PLEC: variants seen among roughly 807,000 people sequenced by gnomAD.
The protein encoded by PLEC is plectin.
Under a neutral mutation model 392.8 loss-of-function variants are expected in PLEC, and 216 were observed. The ratio of observed to expected loss-of-function variants is 0.55; its 90% confidence interval spans 0.49 to 0.62. The LOEUF (loss-of-function observed/expected upper bound fraction) is 0.62, where lower values mean the gene tolerates loss of function less well. PLEC is among the 20% of genes least tolerant of loss of function. The pLI, the probability that PLEC is intolerant of heterozygous loss-of-function variation, is 0.00. For synonymous variants in PLEC, 3,621 were observed against 2,980.6 expected (o/e 1.21, Z -7.00); for missense variants, 6,863 against 6,563.4 (o/e 1.05, Z -1.58).
In PLEC at chr8:143,922,181, C is replaced by T. The variant is rs1554688726; in HGVS notation, c.7640G>A (p.Arg2547Gln). ...CGCCTCCTCCATGCTGGCCACCAGC[C>T]GCTGCCGTTCCTGCTCCATCTGCTG... is the stretch of plus-strand genomic sequence containing the variant. ...QQQQMEQERQRLVASMEEARR... is the reference protein window; with the variant it reads ...QQQQMEQERQQLVASMEEARR... The change falls in exon 32 of 32, where the codon CGG (arginine) becomes CAG (glutamine). Residue 2547 changes from arginine to glutamine, a missense_variant. Arg to Gln is a conservative substitution (Grantham distance 43). Coordinates refer to ENST00000345136, the MANE Select transcript of PLEC (RefSeq NM_201384.3). 2.0e-5 allele frequency: 31 copies of T among 1,544,604 alleles called. No homozygotes were observed. Among genetic ancestry groups the T allele is most frequent in the East Asian group, 4.8e-5 (2 of 41,420 alleles).
At chr8:143,953,462 C>CGCCGCCGCCGCCGCTGCAGCA (rs1832403651), upstream of PLEC, among the ~76,000 whole-genome samples, 3 of 151,974 alleles carry the variant, frequency 2.0e-5, no homozygotes, top group African/African-American at 7.3e-5. Context: ...CCGCCGCCGC[C>CGCCGCCGCCGCCGCTGCAGCA]GCCGCCGCCG....
upstream of PLEC, among the ~76,000 whole-genome samples, chr8:143,943,521 G>A (rs1408070945): frequency 6.6e-6 from 1 of 152,218 alleles, no homozygotes. Flanking sequence ...TGTGGGGGAC[G>A]CTCCTGCCCT....
intron 31 of PLEC, 38 bp from the exon 32 acceptor site, chr8:143,922,433 C>A: frequency 6.2e-7 from 1 of 1,600,380 alleles, no homozygotes; most frequent in Non-Finnish European, 8.5e-7. Context: ...ACCGCCAGCC[C>A]AGGAGCACCC....
Position 143,920,763 on chromosome 8 carries a change from G to C in PLEC, c.9058C>G (p.Leu3020Val). 2 of 1,606,028 alleles carry C rather than the reference G, an allele frequency of 1.2e-6. No homozygotes were observed. The highest frequency in any genetic ancestry group is 8.5e-7 in the Non-Finnish European group (1 of 1,179,910). ...CCCGCGATGACGTTGGCACCCCGGA[G>C]AGCCCGCCGCACAGTGTCCACCTCG... ...VAEVDTVRRA[L>V]RGANVIAGVW... The change falls in exon 32 of 32, where the codon CTC becomes GTC. Residue 3020 changes from leucine to valine, a missense_variant. Transcript: ENST00000345136.
At chr8:143,943,393 C>T (rs1445231407), upstream of PLEC, among the ~76,000 whole-genome samples, 1 of 152,214 alleles carries the variant, frequency 6.6e-6, no homozygotes, top group Non-Finnish European at 1.5e-5. Flanking sequence ...ACCTGCCTCA[C>T]CTGCGTGTGG....
intron 22 of PLEC, 21 bp downstream of exon 22, chr8:143,929,915 C>T: frequency 6.2e-7 from 1 of 1,607,284 alleles, no homozygotes; most frequent in African/African-American, 1.3e-5. Context: ...CAGAGAGCCC[C>T]CGGCTCGGGG....
intron 5 of PLEC, among the ~76,000 whole-genome samples, chr8:143,936,774 CAG>C (rs1472236322): frequency 1.3e-5 from 2 of 152,202 alleles, no homozygotes; most frequent in African/African-American, 4.8e-5. Context: ...TAGGTGGCCT[CAG>C]AGAGAGGCCT....
chr8:143,931,109 G>A (rs1319176565), intron 19 of PLEC, among the ~76,000 whole-genome samples: 7 of 152,212 alleles, frequency 4.6e-5, no homozygotes, highest in Non-Finnish European at 8.8e-5. Flanking sequence ...TAGTACAAGG[G>A]CTGGCAGTGC....
upstream of PLEC, chr8:143,942,644 C>G (rs369540775): frequency 6.3e-5 from 74 of 1,176,380 alleles, no homozygotes; most frequent in East Asian, 4.7e-4. Context: ...ACCTCCCCCC[C>G]ACAATCCGCC....
rs782438887 is a variant in PLEC at position 143,924,515 on chromosome 8, C to T, written c.5414G>A (p.Arg1805His). The change falls in exon 31 of 32, where the codon CGC becomes CAC. Residue 1805 changes from arginine to histidine, a missense_variant. Arg to His is a conservative substitution (Grantham distance 29, BLOSUM62 0). Coordinates refer to ENST00000345136, the MANE Select transcript of PLEC (RefSeq NM_201384.3). Reference sequence around the variant, plus strand: ...GGCCTCTTCCGCCAGGGCACGCAGGCGGGCGGCCTCCTCGGCCAGCTCGCG... The same window carrying T: ...GGCCTCTTCCGCCAGGGCACGCAGGTGGGCGGCCTCCTCGGCCAGCTCGCG... Reference protein sequence around the residue: ...RFRELAEEAARLRALAEEAKR... With the variant: ...RFRELAEEAAHLRALAEEAKR... 1.2e-4 allele frequency: 184 copies of T among 1,539,512 alleles called. No individual in the cohort carries two copies. The highest frequency in any genetic ancestry group is 3.6e-4 in the Middle Eastern group (2 of 5,576).
At chr8:143,975,125 C>T (rs1182891281), upstream of PLEC, 3 of 1,571,616 alleles carry the variant, frequency 1.9e-6, no homozygotes, top group Non-Finnish European at 2.6e-6. This position sits in a 1 kb window ranked among gnomAD's most constrained non-coding sequence, Gnocchi z 9.9. Flanking sequence ...AGCGGGAACT[C>T]AGTCAACCTC....
chr8:143,941,897 G>A (rs1434630131), upstream of PLEC, among the ~76,000 whole-genome samples: 7 of 152,288 alleles, frequency 4.6e-5, no homozygotes, highest in South Asian at 8.3e-4. Context: ...GGTCCCTCAC[G>A]ACAGGCACTG....
In PLEC at chr8:143,923,832, C is replaced by T; in HGVS notation, c.6097G>A (p.Ala2033Thr). 1 of 1,587,030 alleles carries T rather than the reference C, an allele frequency of 6.3e-7. No homozygotes were observed. Reference protein sequence around the residue: ...RLRERAEQESARQLQLAQEAA... With the variant: ...RLRERAEQESTRQLQLAQEAA... ...TCCTGGGCCAGCTGCAGCTGCCGCG[C>T]CGACTCCTGCTCCGCTCGCTCCCGC... The change falls in exon 31 of 32, where the codon GCG becomes ACG. Residue 2033 changes from alanine (A) to threonine (T), a missense_variant. Physicochemically the swap from Ala to Thr is moderately conservative, Grantham distance 58 (BLOSUM62 0). Coordinates refer to ENST00000345136, the MANE Select transcript of PLEC (RefSeq NM_201384.3).
In PLEC at chr8:143,931,987, G is replaced by C. The variant is rs1347148149; in HGVS notation, c.2128C>G (p.Leu710Val). ...LQTQWSWMLQ[L>V]CCCIEAHLKE... ...AGGTGTGCCTCGATACAGCAGCACA[G>C]CTGTAGCATCCAGCTCCACTGCGTC... The change falls in exon 18 of 32, where the codon CTG (leucine) becomes GTG (valine). Residue 710 changes from leucine to valine, a missense_variant. Leu to Val is a conservative substitution (Grantham distance 32). Coordinates refer to ENST00000345136, the MANE Select transcript of PLEC (RefSeq NM_201384.3). The C allele has an allele frequency of 6.2e-7, 1 of 1,607,880 alleles. No individual in the cohort carries two copies. The highest frequency in any genetic ancestry group is 1.3e-5 in the African/African-American group (1 of 74,830).
chr8:143,964,291 T>C (rs1204544286), intron 1 of PLEC, among the ~76,000 whole-genome samples: 2 of 152,128 alleles, frequency 1.3e-5, no homozygotes, highest in Non-Finnish European at 2.9e-5. Context: ...CTGGAACCCA[T>C]AATTGGTATC....
chr8:143,936,494 T>C (rs1564160701), intron 5 of PLEC, among the ~76,000 whole-genome samples: 2 of 152,158 alleles, frequency 1.3e-5, no homozygotes, highest in South Asian at 4.1e-4. Context: ...TCTGGCAGCC[T>C]GGCTTTACAC....
Position 143,922,898 on chromosome 8 carries a change from C to T in PLEC, c.7031G>A (p.Arg2344Gln), listed in dbSNP as rs782566489. 22 of 1,587,630 alleles carry T rather than the reference C, an allele frequency of 1.4e-5. No individual in the cohort carries two copies. The highest frequency in any genetic ancestry group is 1.7e-4 in the Middle Eastern group (1 of 5,964). Reference protein sequence around the residue: ...QQKELAQEQARRLQEDKEQMA... With the variant: ...QQKELAQEQAQRLQEDKEQMA... Reference sequence around the variant, plus strand: ...CTGCTCCTTGTCCTCCTGCAGCCGCCGCGCCTGCTCCTGCGCAAGCTCCTT... The same window carrying T: ...CTGCTCCTTGTCCTCCTGCAGCCGCTGCGCCTGCTCCTGCGCAAGCTCCTT... Residue 2344 changes from arginine (R) to glutamine (Q), a missense_variant, in exon 31 of 32, where the codon CGG becomes CAG. Transcript: ENST00000345136.
chr8:143,925,007 G>C lies in PLEC; in HGVS notation c.4922C>G (p.Ala1641Gly). 6.4e-7 allele frequency: 1 copy of C among 1,570,910 alleles called. No homozygotes were observed. The highest frequency in any genetic ancestry group is 8.6e-7 in the Non-Finnish European group (1 of 1,167,164). Reference protein sequence around the residue: ...LERWQLKANEALRLRLQAEEV... With the variant: ...LERWQLKANEGLRLRLQAEEV... ...CTCCGCCTGCAGCCGCAGCCGTAGC[G>C]CCTCGTTGGCCTTGAGCTGCCAGCG... Residue 1641 changes from alanine to glycine, a missense_variant, in exon 31 of 32, where the codon GCG (alanine) becomes GGG (glycine). Transcript: ENST00000345136.
At chr8:143,946,548 G>C (rs1831506422) in intron 1 of PLEC, 1 of 443,426 alleles carries the variant, frequency 2.3e-6, no homozygotes, top group Non-Finnish European at 4.0e-6. Flanking sequence ...CAGAGATGAA[G>C]CCCAGCCGAC....
Sources: gnomAD v4.1 joint callset for allele counts (sites outside exome capture counted in the v4.1 genomes callset) on GRCh38, gnomAD v4.1.1 for gene constraint, Gnocchi (gnomAD v3.1) non-coding constraint, MANE v1.5 for transcripts, NCBI Gene and HGNC (gene_info 2026-07-23, HGNC 2026-07-21) for gene names.